Variants in NRAP observed in about 807,000 individuals in gnomAD.
The protein encoded by NRAP is nebulin related anchoring protein.
In NRAP, 189 loss-of-function variants were observed where a neutral mutation model predicts 225.9. The observed-to-expected ratio is 0.84, with a 90% CI of 0.74 to 0.94. NRAP has a LOEUF of 0.94. Ranked by LOEUF, NRAP falls within the 40% of genes least tolerant of loss-of-function variation. The pLI is 0.00. For synonymous variants in NRAP, 769 were observed against 790.7 expected (o/e 0.97, Z 0.46); for missense variants, 2,176 against 2,168.7 (o/e 1.00, Z -0.07).
intron 26 of NRAP, among the ~76,000 whole-genome samples, chr10:113,616,881 A>G (rs1016253382): frequency 6.6e-6 from 1 of 152,138 alleles, no homozygotes; most frequent in Non-Finnish European, 1.5e-5. Context: ...CGTTCACTTT[A>G]GTCTCCAGCC....
Position 113,653,044 on chromosome 10 carries a change from T to C in NRAP, c.466-5A>G. 1 of 1,543,292 alleles carries C rather than the reference T, an allele frequency of 6.5e-7. No individual in the cohort carries two copies. The highest frequency in any genetic ancestry group is 1.9e-5 in the Admixed American group (1 of 53,928). On this transcript the variant is annotated splice_polypyrimidine_tract_variant and splice_region_variant and intron_variant, in intron 5 of 41. Transcript: ENST00000359988. ...CTCATAGTCTTCTGTATATTCCTGT[T>C]GGTCAGAACCAATGTCAGCATGAGA...
intron 32 of NRAP, among the ~76,000 whole-genome samples, chr10:113,606,965 G>A (rs951332516): frequency 6.6e-6 from 1 of 152,116 alleles, no homozygotes. Context: ...CACTGTAGGA[G>A]GCTGAGGTGG....
intron 35 of NRAP, among the ~76,000 whole-genome samples, chr10:113,600,482 G>A (rs1416093657): frequency 6.6e-6 from 1 of 152,068 alleles, no homozygotes; most frequent in Non-Finnish European, 1.5e-5. Flanking sequence ...CCCAGCCTAA[G>A]GAACAGTTAT....
rs759986382 is a variant in NRAP, at chr10:113,597,992, T to G, written c.4309A>C (p.Lys1437Gln). The change falls in exon 36 of 42, where the codon AAG becomes CAG. Residue 1437 changes from lysine (K) to glutamine (Q), a missense_variant. Lys to Gln is a moderately conservative substitution (Grantham distance 53). Coordinates refer to ENST00000359988, the MANE Select transcript of NRAP (RefSeq NM_198060.4). ...ACCTCGCTGATGAGTTCTCCAGCCT[T>G]CTTTGCACTCTCCATCTGTGGGGAT... ...LRSPQMESAK[K>Q]AGELISETKY... The G allele has an allele frequency of 6.2e-7, 1 of 1,613,364 alleles. No individual in the cohort carries two copies. The highest frequency in any genetic ancestry group is 1.1e-5 in the South Asian group (1 of 91,046).
intron 4 of NRAP, among the ~76,000 whole-genome samples, chr10:113,655,887 A>G (rs532017123): frequency 7.1e-4 from 108 of 152,340 alleles, no homozygotes; most frequent in African/African-American, 2.4e-3. Flanking sequence ...TGTTTCATGA[A>G]AAAAGTATAC....
chr10:113,629,579 T>G lies in NRAP; in HGVS notation c.2040+9A>C. ...ATGCATGAAGAGAACTGATAATGTGTGGGCTCACCTCGCTCTGGAGCCCAT... is the reference window on the plus strand; with the variant it reads ...ATGCATGAAGAGAACTGATAATGTGGGGGCTCACCTCGCTCTGGAGCCCAT... On this transcript the variant is annotated intron_variant, in intron 19 of 41. Coordinates refer to ENST00000359988, the MANE Select transcript of NRAP (RefSeq NM_198060.4). The G allele has an allele frequency of 6.3e-7, 1 of 1,588,374 alleles. No homozygotes were observed. Among genetic ancestry groups the G allele is most frequent in the Non-Finnish European group, 8.6e-7 (1 of 1,156,800 alleles).
Position 113,592,181 on chromosome 10 carries a change from A to G in NRAP, c.4644+13T>C, listed in dbSNP as rs146627743. ...CTCATCAGTGACCGCAGGAGAGAAC[A>G]TGGGGGTCTTACATCACTGGCGATC... On this transcript the variant is annotated intron_variant, in intron 39 of 41. Coordinates refer to ENST00000359988, the MANE Select transcript of NRAP (RefSeq NM_198060.4). The G allele has an allele frequency of 1.9e-3, 2,990 of 1,548,448 alleles. 53 individuals are homozygous for G. In the African/African-American group the frequency reaches 0.036, roughly 18 times the overall value.
At position 113,657,592 on chromosome 10, in the gene NRAP, T is replaced by C. The variant is rs1371375280; in HGVS notation, c.256-18A>G. The C allele has an allele frequency of 2.3e-6, 3 of 1,303,660 alleles. No individual in the cohort carries two copies. The Admixed American group carries it at 5.1e-5, about 22-fold the overall frequency. The allele number at this position is 1,303,660 out of a possible 1,614,324, so 80.8% of individuals were successfully genotyped here. On this transcript the variant is annotated intron_variant, in intron 3 of 41. Coordinates refer to ENST00000359988, the MANE Select transcript of NRAP (RefSeq NM_198060.4). The stretch of plus-strand genomic sequence containing the variant: ...TCATGGATCTGCTCAAGGAAGATGT[T>C]GTCAGTAATGTTTCCATCAGAAAAG...
intron 29 of NRAP, among the ~76,000 whole-genome samples, chr10:113,612,873 T>G (rs1398608250): frequency 6.6e-6 from 1 of 152,170 alleles, no homozygotes; most frequent in African/African-American, 2.4e-5. Context: ...CTTCAAAGCA[T>G]TCAATGATTT....
Position 113,622,019 on chromosome 10 carries a change from G to T in NRAP, c.2619C>A (p.Val873=), listed in dbSNP as rs751173394. 2 of 1,614,228 alleles carry T rather than the reference G, an allele frequency of 1.2e-6. No individual in the cohort carries two copies. The highest frequency in any genetic ancestry group is 2.2e-5 in the South Asian group (2 of 91,084). Residue 873 remains valine (V), a synonymous_variant, in exon 24 of 42, where the codon GTC becomes GTA. Transcript: ENST00000359988. The stretch of plus-strand genomic sequence containing the variant: ...GCACGAGGTGGACCATGTCCAGGGA[G>T]ACGTGGCATTGGGATTTGGTGTCCT... ...GFEDTKSQCH[V]SLDMVHLVHA... is the part of the protein sequence containing the mutation.
chr10:113,632,331 G>T lies in NRAP; in HGVS notation c.1633-367C>A, dbSNP rs531324050. On this transcript the variant is annotated intron_variant, in intron 16 of 41. Transcript: ENST00000359988. ...ATAAATTGGATAGAATATATGTAAA[G>T]AGATCTTAAACTGGTGAAGCATAAC... Among the ~76,000 whole-genome samples the T allele has an allele frequency of 5.3e-5, 8 of 152,322 alleles. No homozygotes were observed. The East Asian group carries it at 1.5e-3, about 29-fold the overall frequency.
Position 113,588,838 on chromosome 10 carries a change from G to GAGTT in NRAP, c.*133_*136dup, listed in dbSNP as rs1303437493. On this transcript the variant is annotated 3_prime_UTR_variant, in exon 42 of 42. Transcript: ENST00000359988. Reference sequence around the variant, plus strand: ...ATACAACATTCTCCATCTGCTTTCAGAGTTATTATTTTAATAAAGGAAGAT... The same window carrying GAGTT: ...ATACAACATTCTCCATCTGCTTTCAGAGTTAGTTATTATTTTAATAAAGGAAGAT... The GAGTT allele has an allele frequency of 8.6e-6, 6 of 695,878 alleles. No individual in the cohort carries two copies. The highest frequency in any genetic ancestry group is 5.0e-5 in the East Asian group (2 of 40,184). 43.1% of individuals were successfully genotyped at this position (695,878 alleles called of 1,614,324 possible). A position where few individuals can be genotyped will look rare whatever the true frequency, so the allele number is the denominator to read the frequency against.
chr10:113,605,962 A>G, intron 33 of NRAP, 93 bp from the exon 34 acceptor site: 1 of 982,782 alleles, frequency 1.0e-6, no homozygotes, highest in Non-Finnish European at 1.6e-6. Flanking sequence ...GTGTTCCAGA[A>G]TCAATTTCTG....
chr10:113,613,932 C>T (rs1847479948), intron 29 of NRAP, among the ~76,000 whole-genome samples: 1 of 152,096 alleles, frequency 6.6e-6, no homozygotes, highest in Non-Finnish European at 1.5e-5. Context: ...GACCAGTGGC[C>T]CATGTCCACT....
chr10:113,631,813 G>T, intron 17 of NRAP, 44 bp downstream of exon 17: 1 of 1,243,894 alleles, frequency 8.0e-7, no homozygotes, highest in Non-Finnish European at 1.2e-6. Context: ...CATTTTATTG[G>T]AACCATTTCT....
At chr10:113,658,831 G>A (rs371034255) in intron 3 of NRAP, among the ~76,000 whole-genome samples, 19 of 143,048 alleles carry the variant, frequency 1.3e-4, no homozygotes, top group South Asian at 6.6e-4. Flanking sequence ...GCAGTGAGCC[G>A]ACATCACACC....
intron 23 of NRAP, among the ~76,000 whole-genome samples, chr10:113,623,119 T>A (rs1434331231): frequency 6.6e-6 from 1 of 152,226 alleles, no homozygotes; most frequent in East Asian, 1.9e-4. Flanking sequence ...GTTTAAACAA[T>A]CTGCCTGAAG....
chr10:113,624,492 C>T (rs980082086), intron 22 of NRAP, among the ~76,000 whole-genome samples: 1 of 152,166 alleles, frequency 6.6e-6, no homozygotes, highest in South Asian at 2.1e-4. Context: ...AGGATCAAAC[C>T]CAGACCATTT....
intron 3 of NRAP, 52 bp from the exon 4 acceptor site, chr10:113,657,626 A>G: frequency 9.6e-7 from 1 of 1,042,168 alleles, no homozygotes; most frequent in South Asian, 1.3e-5. Flanking sequence ...AGAGAAAAAA[A>G]CATAGACAAA....
Sources: allele counts gnomAD v4.1 joint callset (sites outside exome capture counted in the v4.1 genomes callset), GRCh38; gene constraint gnomAD v4.1.1; transcripts MANE v1.5; gene names NCBI Gene and HGNC (gene_info 2026-07-23, HGNC 2026-07-21).